The following LRRC49 variants were observed in gnomAD, a reference collection of about 807,000 sequenced individuals.
LRRC49 encodes leucine rich repeat containing 49, also known as leucine-rich repeat-containing protein 49.
LRRC49 carries 50 observed loss-of-function variants against 83.3 expected under a neutral mutation model. That is an observed-to-expected ratio of 0.60 (90% CI 0.48 to 0.76). LRRC49 has a LOEUF of 0.76. Ranked by LOEUF, LRRC49 falls within the 30% of genes least tolerant of loss-of-function variation. The pLI, the probability that LRRC49 is intolerant of heterozygous loss-of-function variation, is 0.00. For missense variants in LRRC49, 704 were observed against 809.1 expected, an observed-to-expected ratio of 0.87 and a Z score of 1.58; for synonymous variants, 286 against 283.3, an observed-to-expected ratio of 1.01 and a Z score of -0.10.
chr15:71,032,346 C>T (rs931450402), intron 14 of LRRC49, among the ~76,000 whole-genome samples: 1 of 152,018 alleles, frequency 6.6e-6, no homozygotes, highest in Non-Finnish European at 1.5e-5. Context: ...AACTGGGTAC[C>T]TCAGTTGGAA....
At chr15:70,854,058 C>A in intron 1 of LRRC49, 1 of 1,390,456 alleles carries the variant, frequency 7.2e-7, no homozygotes, top group Non-Finnish European at 9.4e-7. Flanking sequence ...GTCTTGGGCC[C>A]GGGCCGAGCC....
At chr15:70,963,747 G>C (rs1177978677) in intron 8 of LRRC49, 38 bp from the exon 9 acceptor site, 1 of 1,585,098 alleles carries the variant, frequency 6.3e-7, no homozygotes, top group Admixed American at 1.8e-5. Context: ...TTATCTTAAG[G>C]CCTCAGAATA....
At chr15:71,046,074 A>G (rs751077360) in intron 15 of LRRC49, among the ~76,000 whole-genome samples, 2 of 152,112 alleles carry the variant, frequency 1.3e-5, no homozygotes, top group African/African-American at 2.4e-5. Flanking sequence ...TATATATACT[A>G]TATTTTCTTT....
intron 1 of LRRC49, among the ~76,000 whole-genome samples, chr15:70,860,867 A>G (rs187825028): frequency 1.3e-5 from 2 of 152,228 alleles, no homozygotes; most frequent in South Asian, 2.1e-4. Flanking sequence ...GCATATTGGT[A>G]TAATCATGTA....
At chr15:70,930,348 G>A (rs2035360922) in intron 7 of LRRC49, among the ~76,000 whole-genome samples, 1 of 152,156 alleles carries the variant, frequency 6.6e-6, no homozygotes, top group Non-Finnish European at 1.5e-5. Flanking sequence ...TTCCTGAGCA[G>A]ATCTCAATGG....
chr15:70,855,460 T>G (rs2032633387), intron 1 of LRRC49, among the ~76,000 whole-genome samples: 1 of 152,218 alleles, frequency 6.6e-6, no homozygotes, highest in Non-Finnish European at 1.5e-5. Flanking sequence ...TCATATTAAT[T>G]TGCCACACTG....
chr15:70,853,968 G>A (rs968477735), intron 1 of LRRC49: 7 of 1,458,256 alleles, frequency 4.8e-6, no homozygotes, highest in Admixed American at 2.4e-5. Context: ...CCGGCGCCCC[G>A]AGTCTCCGCC....
At chr15:70,947,863 T>C (rs1174892391) in intron 8 of LRRC49, among the ~76,000 whole-genome samples, 1 of 152,150 alleles carries the variant, frequency 6.6e-6, no homozygotes, top group African/African-American at 2.4e-5. Flanking sequence ...ACATACTGAA[T>C]GCTCAATCCT....
intron 14 of LRRC49, among the ~76,000 whole-genome samples, chr15:71,026,779 G>A (rs1008861522): frequency 6.6e-6 from 1 of 152,012 alleles, no homozygotes; most frequent in Non-Finnish European, 1.5e-5. Context: ...CCCACTTTTT[G>A]ATGGGGTTGT....
At chr15:70,961,333 G>A (rs188551415) in intron 8 of LRRC49, among the ~76,000 whole-genome samples, 7 of 152,232 alleles carry the variant, frequency 4.6e-5, no homozygotes, top group East Asian at 3.9e-4. Context: ...AAGATAGTTC[G>A]GCAGTTTCTT....
intron 1 of LRRC49, chr15:70,859,704 T>C: frequency 2.9e-6 from 2 of 679,372 alleles, no homozygotes; most frequent in Non-Finnish European, 5.6e-6. Flanking sequence ...ATGGCTTCCC[T>C]GGAGGCCACC....
intron 7 of LRRC49, among the ~76,000 whole-genome samples, chr15:70,921,296 A>G (rs1448458849): frequency 6.6e-6 from 1 of 152,052 alleles, no homozygotes; most frequent in Non-Finnish European, 1.5e-5. Flanking sequence ...TTTCCCTCTG[A>G]TTCTTATGTA....
chr15:71,039,679 T>C (rs1177577285), intron 15 of LRRC49, among the ~76,000 whole-genome samples: 1 of 152,222 alleles, frequency 6.6e-6, no homozygotes, highest in Non-Finnish European at 1.5e-5. Flanking sequence ...AAAAAAATGT[T>C]TTCAATCTGC....
intron 7 of LRRC49, among the ~76,000 whole-genome samples, chr15:70,925,152 C>T (rs2035150332): frequency 6.6e-6 from 1 of 151,954 alleles, no homozygotes; most frequent in Non-Finnish European, 1.5e-5. Flanking sequence ...ATTTCATTGC[C>T]TAAATATATG....
At chr15:71,022,773 A>G (rs1364504789) in intron 14 of LRRC49, among the ~76,000 whole-genome samples, 4 of 152,230 alleles carry the variant, frequency 2.6e-5, no homozygotes, top group Non-Finnish European at 4.4e-5. Flanking sequence ...ATTAATAGAA[A>G]AAGGATATAA....
intron 3 of LRRC49, among the ~76,000 whole-genome samples, chr15:70,899,691 G>T (rs2033988707): frequency 6.6e-6 from 1 of 152,056 alleles, no homozygotes; most frequent in Non-Finnish European, 1.5e-5. Flanking sequence ...TTTTTAATAT[G>T]ATTTATATAG....
At chr15:71,012,368 T>C (rs1238825785) in intron 13 of LRRC49, among the ~76,000 whole-genome samples, 1 of 151,992 alleles carries the variant, frequency 6.6e-6, no homozygotes, top group Non-Finnish European at 1.5e-5. Context: ...GACAAAATTA[T>C]CCCTATAGGA....
chr15:70,897,517 C>G (rs2033888111), intron 3 of LRRC49, among the ~76,000 whole-genome samples: 1 of 152,124 alleles, frequency 6.6e-6, no homozygotes. Context: ...ATTTTCTTGA[C>G]TTTTGTACTC....
At chr15:70,980,341 T>C (rs2037356560) in intron 10 of LRRC49, among the ~76,000 whole-genome samples, 157 bp downstream of exon 10, 1 of 152,196 alleles carries the variant, frequency 6.6e-6, no homozygotes, top group Admixed American at 6.6e-5. Flanking sequence ...TTACAAGTTA[T>C]TACCTATAAA....
Sources: gnomAD v4.1 joint callset for allele counts (sites outside exome capture counted in the v4.1 genomes callset) on GRCh38, gnomAD v4.1.1 for gene constraint, MANE v1.5 for transcripts, NCBI Gene and HGNC (gene_info 2026-07-23, HGNC 2026-07-21) for gene names.